Variants in RTN4IP1 observed in about 807,000 individuals in gnomAD.
RTN4IP1 encodes the protein NAD(P)H oxidoreductase RTN4IP1, mitochondrial.
In RTN4IP1, 32 loss-of-function variants were observed where a neutral mutation model predicts 46.6. The observed-to-expected ratio is 0.69, with a 90% CI of 0.52 to 0.92. The LOEUF (loss-of-function observed/expected upper bound fraction) is 0.92, where lower values mean the gene tolerates loss of function less well. RTN4IP1 is among the 40% of genes least tolerant of loss of function. The probability of loss-of-function intolerance (pLI) is 0.00; values close to 1 mark genes in which losing one functional copy is unlikely to be tolerated. For missense variants in RTN4IP1, 424 were observed against 485.8 expected (o/e 0.87, Z 1.20); for synonymous variants, 167 against 161.8 (o/e 1.03, Z -0.24).
At chr6:106,629,574 G>C (rs542692517), upstream of RTN4IP1, 5 of 1,374,366 alleles carry the variant, frequency 3.6e-6, no homozygotes, top group African/African-American at 1.5e-5. Flanking sequence ...GTGTTGAAGG[G>C]CTCAGTGACA....
chr6:106,586,685 T>G (rs1241630866), intron 7 of RTN4IP1, among the ~76,000 whole-genome samples: 1 of 152,180 alleles, frequency 6.6e-6, no homozygotes, highest in Non-Finnish European at 1.5e-5. Context: ...TCTTTATTTT[T>G]TCTATCATGT....
chr6:106,605,202 G>A (rs901111018), intron 4 of RTN4IP1, among the ~76,000 whole-genome samples: 5 of 152,184 alleles, frequency 3.3e-5, no homozygotes, highest in Admixed American at 6.5e-5. Flanking sequence ...TTGGGAAGCC[G>A]AGGCAGGCAG....
intron 1 of RTN4IP1, among the ~76,000 whole-genome samples, chr6:106,626,236 C>T (rs1202054859): frequency 6.6e-6 from 1 of 151,930 alleles, no homozygotes; most frequent in Non-Finnish European, 1.5e-5. Context: ...AATCAAGACA[C>T]ATGGGATAAA....
rs979060488 is a variant in RTN4IP1, at chr6:106,619,210, T to C, written c.612A>G (p.Thr204=). The change falls in exon 4 of 9, where the codon ACA becomes ACG. Residue 204 remains threonine, a synonymous_variant. Coordinates refer to ENST00000369063, the MANE Select transcript of RTN4IP1 (RefSeq NM_032730.5). Reference sequence around the variant, plus strand: ...CTGACTGATACACTTACCGTTTTCCTGTGCAATTCTTGTCATTCAGGCCAC... The same window carrying C: ...CTGACTGATACACTTACCGTTTTCCCGTGCAATTCTTGTCATTCAGGCCAC... ...KVGGLNDKNC[T]GKRVLILGAS... 1 of 1,614,182 alleles carries C rather than the reference T, an allele frequency of 6.2e-7. No individual in the cohort carries two copies. The highest frequency in any genetic ancestry group is 8.5e-7 in the Non-Finnish European group (1 of 1,180,008).
At chr6:106,621,245 A>G (rs547323652) in intron 3 of RTN4IP1, among the ~76,000 whole-genome samples, 180 bp downstream of exon 3, 3 of 152,354 alleles carry the variant, frequency 2.0e-5, no homozygotes, top group African/African-American at 7.2e-5. Context: ...GTTAGCAGGC[A>G]GTGTTACTGA....
intron 1 of RTN4IP1, among the ~76,000 whole-genome samples, chr6:106,628,077 A>G (rs1776699314): frequency 1.3e-5 from 2 of 150,768 alleles, no homozygotes; most frequent in Non-Finnish European, 3.0e-5. Context: ...AAAAACAAAC[A>G]AAAAACCCCA....
At position 106,619,241 on chromosome 6, in the gene RTN4IP1, T is replaced by C. The variant is rs1289511964; in HGVS notation, c.581A>G (p.Lys194Arg). The C allele has an allele frequency of 1.2e-6, 2 of 1,614,186 alleles. No homozygotes were observed. The highest frequency in any genetic ancestry group is 1.7e-5 in the Admixed American group (1 of 60,030). ...ATTCTTGTCATTCAGGCCACCAACT[T>C]TGTTTATAGCAGACCAGGCTGTGAG... ...VALTAWSAIN[K>R]VGGLNDKNCT... is the part of the protein sequence containing the mutation. Residue 194 changes from lysine to arginine, a missense_variant, in exon 4 of 9, where the codon AAA (lysine) becomes AGA (arginine). Lys to Arg is a conservative substitution (Grantham distance 26). Transcript: ENST00000369063.
intron 5 of RTN4IP1, among the ~76,000 whole-genome samples, chr6:106,592,743 G>A (rs1199893959): frequency 6.6e-6 from 1 of 152,134 alleles, no homozygotes; most frequent in Non-Finnish European, 1.5e-5. Context: ...GGCCAACATG[G>A]TGAAACCCCG....
chr6:106,575,568 C>G (rs1775207012), intron 8 of RTN4IP1, among the ~76,000 whole-genome samples: 2 of 152,200 alleles, frequency 1.3e-5, no homozygotes, highest in Admixed American at 1.3e-4. Context: ...TACAGAAAAC[C>G]TCTCACTACT....
rs17067469 is a variant in RTN4IP1, at chr6:106,619,098, C to T, written c.620+104G>A. 33,071 of 1,272,152 alleles carry T rather than the reference C, an allele frequency of 0.026. 1,567 individuals carry two copies. The highest frequency in any genetic ancestry group is 0.18 in the East Asian group (7,653 of 42,660). 78.8% of individuals were successfully genotyped at this position (1,272,152 alleles called of 1,614,324 possible). A position where few individuals can be genotyped will look rare whatever the true frequency, so the allele number is the denominator to read the frequency against. ...TTTCAAATGTTAGTACAGCTCTGTT[C>T]GTGTAAATGATACTAAATTTCAAAG... On this transcript the variant is annotated intron_variant, in intron 4 of 8. Coordinates refer to ENST00000369063, the MANE Select transcript of RTN4IP1 (RefSeq NM_032730.5).
At chr6:106,583,219 G>A (rs957452452) in intron 8 of RTN4IP1, 109 bp downstream of exon 8, 1 of 785,426 alleles carries the variant, frequency 1.3e-6, no homozygotes, top group Non-Finnish European at 2.1e-6. Flanking sequence ...AAGGTCAGGT[G>A]AGCAGGCTAC....
chr6:106,602,769 C>T (rs1007757639), intron 5 of RTN4IP1, 105 bp downstream of exon 5: 7 of 698,492 alleles, frequency 1.0e-5, no homozygotes, highest in Admixed American at 9.1e-5. Flanking sequence ...AGTACATTTA[C>T]CAGACCTACC....
intron 4 of RTN4IP1, among the ~76,000 whole-genome samples, chr6:106,609,863 T>C (rs1233357001): frequency 1.3e-5 from 2 of 152,170 alleles, no homozygotes; most frequent in East Asian, 3.8e-4. Context: ...GGTTCTGCAA[T>C]AGCAGCTTCA....
chr6:106,603,024 T>G, intron 4 of RTN4IP1, 102 bp from the exon 5 acceptor site: 1 of 806,100 alleles, frequency 1.2e-6, no homozygotes, highest in South Asian at 2.1e-5. Context: ...GATAAATAAT[T>G]CTAAAAGAAA....
At chr6:106,584,999 G>T (rs914980230) in intron 7 of RTN4IP1, among the ~76,000 whole-genome samples, 4 of 152,236 alleles carry the variant, frequency 2.6e-5, no homozygotes, top group African/African-American at 9.6e-5. Flanking sequence ...TTAGCCCTCA[G>T]CATAGCCAGG....
At chr6:106,594,165 C>A (rs1219653982) in intron 5 of RTN4IP1, among the ~76,000 whole-genome samples, 1 of 152,018 alleles carries the variant, frequency 6.6e-6, no homozygotes, top group Non-Finnish European at 1.5e-5. Context: ...GTTTTAAAAA[C>A]AGTTTTACTT....
chr6:106,621,183 A>G (rs1348288637), intron 3 of RTN4IP1, among the ~76,000 whole-genome samples: 3 of 100,138 alleles, frequency 3.0e-5, no homozygotes. Context: ...GCAACACAGC[A>G]GGGTTCTAGG....
At chr6:106,601,141 G>A (rs1249847378) in intron 5 of RTN4IP1, among the ~76,000 whole-genome samples, 1 of 151,966 alleles carries the variant, frequency 6.6e-6, no homozygotes, top group Non-Finnish European at 1.5e-5. Context: ...ATCTCACTGT[G>A]GTTTGGATTT....
In RTN4IP1 at chr6:106,582,229, G is replaced by A. The variant is rs184653133; in HGVS notation, c.1083+1099C>T. Among the ~76,000 whole-genome samples the A allele has an allele frequency of 9.2e-5, 14 of 152,214 alleles. No individual in the cohort carries two copies. In the East Asian group the frequency reaches 1.2e-3, roughly 13 times the overall value. ...CCCAAAAATATTCCTTTCCAAAATCGAAACGGAAAGATGAAATATGCCAGC... is the reference window on the plus strand; with the variant it reads ...CCCAAAAATATTCCTTTCCAAAATCAAAACGGAAAGATGAAATATGCCAGC... On this transcript the variant is annotated intron_variant, in intron 8 of 8. Transcript: ENST00000369063.
Sources: gnomAD v4.1 joint callset for allele counts (sites outside exome capture counted in the v4.1 genomes callset) on GRCh38, gnomAD v4.1.1 for gene constraint, MANE v1.5 for transcripts, NCBI Gene and HGNC (gene_info 2026-07-23, HGNC 2026-07-21) for gene names.